Variants in FAM78B observed in about 807,000 individuals in gnomAD.
FAM78B encodes the protein family with sequence similarity 78 member B.
A neutral mutation model predicts 20.0 loss-of-function variants in FAM78B; 10 were observed. That is an observed-to-expected ratio of 0.50 (90% CI 0.31 to 0.85). The LOEUF is 0.85. Among genes scored for constraint, FAM78B ranks in the 40% least tolerant of loss-of-function variants. The probability of loss-of-function intolerance (pLI) is 0.05; values close to 1 mark genes in which losing one functional copy is unlikely to be tolerated. For missense variants in FAM78B, 283 were observed against 345.0 expected (o/e 0.82, Z 1.42); for synonymous variants, 135 against 132.8 (o/e 1.02, Z -0.12).
chr1:166,110,569 T>C (rs1403835807), intron 1 of FAM78B, among the ~76,000 whole-genome samples: 1 of 152,230 alleles, frequency 6.6e-6, no homozygotes, highest in East Asian at 1.9e-4. Flanking sequence ...ACTGCTTTCT[T>C]GCTTGCCTGT....
intron 1 of FAM78B, among the ~76,000 whole-genome samples, chr1:166,109,890 G>GTATATGTATATATATATA (rs1653970010): frequency 2.2e-4 from 5 of 23,192 alleles, no homozygotes; most frequent in Non-Finnish European, 4.6e-4. Context: ...ATGTATATAT[G>GTATATGTATATATATATA]TATATATATA....
At chr1:166,079,589 G>A (rs566072953) in intron 1 of FAM78B, among the ~76,000 whole-genome samples, 2 of 152,332 alleles carry the variant, frequency 1.3e-5, no homozygotes, top group South Asian at 2.1e-4. Context: ...TACAGAGCCA[G>A]GGGTGGGAGG....
chr1:166,098,111 T>C (rs1653358972), intron 1 of FAM78B, among the ~76,000 whole-genome samples: 1 of 152,092 alleles, frequency 6.6e-6, no homozygotes, highest in South Asian at 2.1e-4. Flanking sequence ...GCTGGGTGGC[T>C]AGACCCAGAA....
intron 1 of FAM78B, among the ~76,000 whole-genome samples, chr1:166,139,412 A>T (rs189279884): frequency 3.3e-5 from 5 of 152,316 alleles, no homozygotes; most frequent in Admixed American, 3.3e-4. Context: ...AACTATGCTG[A>T]ATTTTGGGGA....
chr1:166,113,000 T>A (rs895218372), intron 1 of FAM78B, among the ~76,000 whole-genome samples: 8 of 152,228 alleles, frequency 5.3e-5, no homozygotes, highest in African/African-American at 1.7e-4. Context: ...TGAGAGATTT[T>A]AAAAAATCTG....
At chr1:166,105,829 C>T (rs1653754041) in intron 1 of FAM78B, among the ~76,000 whole-genome samples, 1 of 151,438 alleles carries the variant, frequency 6.6e-6, no homozygotes, top group Non-Finnish European at 1.5e-5. Context: ...CTAGAAATAC[C>T]ATTTGACCCA....
At chr1:166,118,216 A>T (rs1022492904) in intron 1 of FAM78B, among the ~76,000 whole-genome samples, 3 of 152,160 alleles carry the variant, frequency 2.0e-5, no homozygotes, top group Admixed American at 2.0e-4. Context: ...GCCTCCTTAG[A>T]TGACAGGCTC....
intron 1 of FAM78B, chr1:166,154,736 G>A (rs1035602850): frequency 1.9e-6 from 1 of 524,836 alleles, no homozygotes; most frequent in African/African-American, 1.9e-5. Context: ...CTGACCCACA[G>A]AATTAGCCAG....
intron 1 of FAM78B, among the ~76,000 whole-genome samples, chr1:166,106,849 TG>T (rs1306867022): frequency 6.6e-6 from 1 of 152,040 alleles, no homozygotes; most frequent in Non-Finnish European, 1.5e-5. Flanking sequence ...GTAAGAAACT[TG>T]CACATGTACC....
At chr1:166,093,840 T>C (rs190962925) in intron 1 of FAM78B, among the ~76,000 whole-genome samples, 3 of 152,038 alleles carry the variant, frequency 2.0e-5, no homozygotes, top group East Asian at 1.9e-4. Flanking sequence ...TAGGAAAGAT[T>C]TGAATTATAC....
intron 1 of FAM78B, among the ~76,000 whole-genome samples, chr1:166,157,519 T>C (rs1655955217): frequency 6.6e-6 from 1 of 151,964 alleles, no homozygotes; most frequent in Admixed American, 6.6e-5. Flanking sequence ...CAGTTCCAAC[T>C]GGCATGTACC....
chr1:166,056,132 T>C (rs751930047), downstream of FAM78B, among the ~76,000 whole-genome samples: 6 of 152,174 alleles, frequency 3.9e-5, no homozygotes, highest in Non-Finnish European at 7.3e-5. Flanking sequence ...ATATGTATAT[T>C]TAAAAATACT....
intron 1 of FAM78B, among the ~76,000 whole-genome samples, chr1:166,095,303 T>C (rs1653235797): frequency 6.8e-6 from 1 of 147,662 alleles, no homozygotes; most frequent in East Asian, 2.0e-4. Flanking sequence ...GGAGTGCAGG[T>C]GGCAGCAGAA....
At chr1:166,099,782 A>G (rs934062546) in intron 1 of FAM78B, among the ~76,000 whole-genome samples, 4 of 152,224 alleles carry the variant, frequency 2.6e-5, no homozygotes, top group Non-Finnish European at 5.9e-5. Context: ...TAAAACAATT[A>G]CTAATTGACC....
intron 1 of FAM78B, among the ~76,000 whole-genome samples, chr1:166,109,890 G>GTATGTATATATATATATA (rs1433152486): frequency 2.2e-4 from 5 of 23,188 alleles, no homozygotes; most frequent in Non-Finnish European, 4.6e-4. Flanking sequence ...ATGTATATAT[G>GTATGTATATATATATATA]TATATATATA....
At position 166,137,886 on chromosome 1, in the gene FAM78B, A is replaced by G. The variant is rs1440610250; in HGVS notation, c.263+28100T>C. On this transcript the variant is annotated intron_variant, in intron 1 of 1. Coordinates refer to ENST00000354422, the MANE Select transcript of FAM78B (RefSeq NM_001017961.5). ...TCTACATCCCCACATGCAGGAATGC[A>G]GGAGGGAACCAAGGTTAACAGCAGA... Among the ~76,000 whole-genome samples the G allele has an allele frequency of 2.6e-5, 4 of 152,230 alleles. No individual in the cohort carries two copies. In the East Asian group the frequency reaches 7.7e-4, roughly 29 times the overall value.
chr1:166,064,889 A>G (rs951198514), downstream of FAM78B, among the ~76,000 whole-genome samples: 1 of 152,208 alleles, frequency 6.6e-6, no homozygotes, highest in African/African-American at 2.4e-5. Flanking sequence ...AAGTCTCAGA[A>G]AAGTTAAATG....
intron 1 of FAM78B, among the ~76,000 whole-genome samples, chr1:166,085,770 G>A (rs1398440650): frequency 6.6e-6 from 1 of 152,208 alleles, no homozygotes; most frequent in Non-Finnish European, 1.5e-5. Context: ...GGGAGTCAAT[G>A]CCAAGTCTGG....
At chr1:166,123,964 C>G (rs1439980387) in intron 1 of FAM78B, among the ~76,000 whole-genome samples, 1 of 152,190 alleles carries the variant, frequency 6.6e-6, no homozygotes, top group Admixed American at 6.5e-5. Context: ...CAGGCCTAGT[C>G]CAAAGTGGGA....
Sources: gnomAD v4.1 joint callset for allele counts (sites outside exome capture counted in the v4.1 genomes callset) on GRCh38, gnomAD v4.1.1 for gene constraint, MANE v1.5 for transcripts, NCBI Gene and HGNC (gene_info 2026-07-23, HGNC 2026-07-21) for gene names.